FAF1: variants seen among roughly 807,000 people sequenced by gnomAD.
FAF1 encodes FAS-associated factor 1.
A neutral mutation model predicts 92.5 loss-of-function variants in FAF1; 25 were observed. That is an observed-to-expected ratio of 0.27 (90% CI 0.20 to 0.38). The LOEUF (loss-of-function observed/expected upper bound fraction) is 0.38, where lower values mean the gene tolerates loss of function less well. Ranked by LOEUF, FAF1 falls within the 10% of genes least tolerant of loss-of-function variation. The pLI is 1.00. For missense variants in FAF1, 636 were observed against 793.3 expected (o/e 0.80, Z 2.38); for synonymous variants, 234 against 273.2 (o/e 0.86, Z 1.42).
intron 15 of FAF1, 141 bp from the exon 16 acceptor site, chr1:50,491,942 AATAAG>A (rs1646843404): frequency 9.8e-6 from 6 of 613,646 alleles, no homozygotes; most frequent in Non-Finnish European, 1.7e-5. Context: ...ATAGGACATA[AATAAG>A]CAAACAAACA....
chr1:50,761,531 A>C (rs1157385976), intron 4 of FAF1, among the ~76,000 whole-genome samples: 1 of 152,126 alleles, frequency 6.6e-6, no homozygotes, highest in East Asian at 1.9e-4. Context: ...AGGCTGGTTC[A>C]ATATACGCAA....
chr1:50,615,979 T>C (rs1052338629), intron 8 of FAF1, among the ~76,000 whole-genome samples: 2 of 152,178 alleles, frequency 1.3e-5, no homozygotes, highest in African/African-American at 4.8e-5. Context: ...GGGATTTTTA[T>C]AGTTTGAGGT....
intron 15 of FAF1, among the ~76,000 whole-genome samples, chr1:50,494,631 C>T (rs1646877687): frequency 1.3e-5 from 2 of 152,220 alleles, no homozygotes; most frequent in Non-Finnish European, 2.9e-5. Context: ...TTGTAACATA[C>T]TTGTCACTGC....
chr1:50,887,425 G>C (rs1467622122), intron 1 of FAF1, among the ~76,000 whole-genome samples: 1 of 152,094 alleles, frequency 6.6e-6, no homozygotes, highest in African/African-American at 2.4e-5. Context: ...CATTGCTTTT[G>C]GTGTTTTAGA....
intron 1 of FAF1, among the ~76,000 whole-genome samples, chr1:50,917,705 A>G (rs980742887): frequency 6.6e-6 from 1 of 151,480 alleles, no homozygotes; most frequent in African/African-American, 2.4e-5. Context: ...AAAGGAAAAG[A>G]AAGAAAACCA....
At chr1:50,695,495 T>C (rs1349098284) in intron 7 of FAF1, among the ~76,000 whole-genome samples, 1 of 152,114 alleles carries the variant, frequency 6.6e-6, no homozygotes, top group Admixed American at 6.5e-5. Context: ...TACAAATTAA[T>C]CCTCTGGAAA....
At chr1:50,783,318 G>A (rs1489268068) in intron 4 of FAF1, among the ~76,000 whole-genome samples, 3 of 152,106 alleles carry the variant, frequency 2.0e-5, no homozygotes, top group South Asian at 2.1e-4. Flanking sequence ...ACACTCTTCC[G>A]AAAAACTGAA....
chr1:50,473,993 G>A (rs1207460835), intron 18 of FAF1, among the ~76,000 whole-genome samples: 2 of 152,116 alleles, frequency 1.3e-5, no homozygotes, highest in East Asian at 3.8e-4. Flanking sequence ...TATAAAGCAG[G>A]AATACCAGAG....
chr1:50,806,245 G>T (rs1442691681), intron 2 of FAF1, among the ~76,000 whole-genome samples: 1 of 152,086 alleles, frequency 6.6e-6, no homozygotes, highest in African/African-American at 2.4e-5. Context: ...GAAGGTATGT[G>T]AATGATGAAA....
At chr1:50,455,972 G>T (rs1160397721) in intron 18 of FAF1, among the ~76,000 whole-genome samples, 1 of 152,110 alleles carries the variant, frequency 6.6e-6, no homozygotes, top group Non-Finnish European at 1.5e-5. Flanking sequence ...CTACTCAGGA[G>T]GCTGAGGCAG....
At chr1:50,689,578 C>T (rs765710783) in intron 7 of FAF1, among the ~76,000 whole-genome samples, 4 of 151,664 alleles carry the variant, frequency 2.6e-5, no homozygotes, top group South Asian at 2.1e-4. Context: ...AGCGAGACTC[C>T]GTCTGAAAAA....
At position 50,440,464 on chromosome 1, in the gene FAF1, A is replaced by G. The variant is rs1483885907; in HGVS notation, c.*976T>C. 6.6e-6 allele frequency: 1 copy of G among 152,236 alleles called. No individual in the cohort carries two copies. The highest frequency in any genetic ancestry group is 2.4e-5 in the African/African-American group (1 of 41,458). 9.4% of individuals were successfully genotyped at this position (152,236 alleles called of 1,614,324 possible). On this transcript the variant is annotated 3_prime_UTR_variant, in exon 19 of 19. Transcript: ENST00000396153. ...TACTAAAACATTAAAAGAATAAAAT[A>G]GTAGAGCAAGTTCCTTATTACAGGA...
intron 4 of FAF1, among the ~76,000 whole-genome samples, chr1:50,758,831 A>G (rs991962470): frequency 6.6e-5 from 10 of 151,946 alleles, no homozygotes; most frequent in African/African-American, 2.4e-4. Flanking sequence ...AGAAGTCTGT[A>G]TTTTTTATTA....
rs117288941 is a variant in FAF1, at chr1:50,627,481, A to G, written c.744+27961T>C. 1.2e-3 allele frequency among the ~76,000 whole-genome samples: 187 copies of G among 152,232 alleles called. 2 individuals carry two copies. In the East Asian group the frequency reaches 0.032, roughly 26 times the overall value. ...GATAAACGGGTGAAATATCCACACA[A>G]TGGAATATAATAAAGCACTGAGAAT... On this transcript the variant is annotated intron_variant, in intron 8 of 18. Transcript: ENST00000396153.
chr1:50,445,186 A>G (rs891500997), intron 18 of FAF1, among the ~76,000 whole-genome samples: 1 of 152,166 alleles, frequency 6.6e-6, no homozygotes, highest in African/African-American at 2.4e-5. Context: ...CCCGTCACCC[A>G]GGCACTGTAT....
chr1:50,950,420 C>G (rs575052839), intron 1 of FAF1, among the ~76,000 whole-genome samples: 1 of 152,328 alleles, frequency 6.6e-6, no homozygotes, highest in East Asian at 1.9e-4. Context: ...AATGCCCAGA[C>G]AGTAAATATT....
chr1:50,450,032 T>G (rs893338959), intron 18 of FAF1, among the ~76,000 whole-genome samples: 3 of 151,522 alleles, frequency 2.0e-5, no homozygotes, highest in African/African-American at 7.3e-5. Flanking sequence ...CTGTCTTTAC[T>G]AAAAATACAA....
At chr1:50,515,782 C>T (rs564374175) in intron 15 of FAF1, among the ~76,000 whole-genome samples, 72 of 152,094 alleles carry the variant, frequency 4.7e-4, no homozygotes, top group African/African-American at 1.7e-3. Flanking sequence ...TTTCAGCCTT[C>T]TCCCTCCTCA....
rs571613504 is a variant in FAF1, at chr1:50,670,379, C to T, written c.658-14851G>A. ...CTGGGATTACAGGTGTGAGCCACGG[C>T]GCCTGGCCAGCAATTTAAGTTTAAA... is the stretch of plus-strand genomic sequence containing the variant. On this transcript the variant is annotated intron_variant, in intron 7 of 18. Transcript: ENST00000396153. Among the ~76,000 whole-genome samples, 56 of 151,994 alleles carry T rather than the reference C, an allele frequency of 3.7e-4. No individual in the cohort carries two copies. In the South Asian group the frequency reaches 0.011, roughly 29 times the overall value.
Sources: allele counts gnomAD v4.1 joint callset (sites outside exome capture counted in the v4.1 genomes callset), GRCh38; gene constraint gnomAD v4.1.1; transcripts MANE v1.5; gene names NCBI Gene and HGNC (gene_info 2026-07-23, HGNC 2026-07-21).